ERBB2: variants seen among roughly 807,000 people sequenced by gnomAD.
ERBB2 encodes erb-b2 receptor tyrosine kinase 2.
In ERBB2, 61 loss-of-function variants were observed where a neutral mutation model predicts 149.0. The observed-to-expected ratio is 0.41, with a 90% CI of 0.33 to 0.51. The LOEUF is 0.51. Ranked by LOEUF, ERBB2 falls within the 20% of genes least tolerant of loss-of-function variation. The pLI is 0.25. For missense variants in ERBB2, 1,205 were observed against 1,655.1 expected, an observed-to-expected ratio of 0.73 and a Z score of 4.72; for synonymous variants, 633 against 678.8, an observed-to-expected ratio of 0.93 and a Z score of 1.05.
rs1269269106 is a variant in ERBB2 at position 39,726,245 on chromosome 17, A to C, written c.2873-317A>C. ...GCTACTCAGGAGAGGCTGAGGCAGG[A>C]AGATCACTTGAGCCTAGTTTAAGGT... On this transcript the variant is annotated intron_variant, in intron 23 of 26. Coordinates refer to ENST00000269571, the MANE Select transcript of ERBB2 (RefSeq NM_004448.4). The surrounding 1 kb of genome is among the most constrained non-coding windows in gnomAD (Gnocchi z 5.1). 1.2e-5 allele frequency: 5 copies of C among 429,756 alleles called. No individual in the cohort carries two copies. The Admixed American group carries it at 1.9e-4, about 16-fold the overall frequency. The allele number at this position is 429,756 out of a possible 1,614,324, so 26.6% of individuals were successfully genotyped here. A position where few individuals can be genotyped will look rare whatever the true frequency, so the allele number is the denominator to read the frequency against.
intron 9 of ERBB2, 122 bp downstream of exon 9, chr17:39,712,570 A>G: frequency 8.2e-7 from 1 of 1,224,308 alleles, no homozygotes; most frequent in Non-Finnish European, 1.1e-6. Context: ...AATGCAAAGA[A>G]AGCAGATGGG....
chr17:39,688,662 G>T (rs2057619483), intron 1 of ERBB2: 2 of 152,354 alleles, frequency 1.3e-5, no homozygotes, highest in Non-Finnish European at 2.9e-5. Flanking sequence ...TGCCTGGCCT[G>T]GTCTGAATCA....
rs2145863443 is a variant in ERBB2 at position 39,725,084 on chromosome 17, C to T, written c.2529C>T (p.His843=). ...MSYLEDVRLV[H]RDLAARNVLV... ...ACCTGGAGGATGTGCGGCTCGTACA[C>T]AGGGACTTGGCCGCTCGGAACGTGC... Residue 843 remains histidine, a synonymous_variant, in exon 21 of 27, where the codon CAC becomes CAT. Transcript: ENST00000269571. This position sits in a 1 kb window ranked among gnomAD's most constrained non-coding sequence, Gnocchi z 4.6. 1 of 1,614,172 alleles carries T rather than the reference C, an allele frequency of 6.2e-7. No individual in the cohort carries two copies. Among genetic ancestry groups the T allele is most frequent in the South Asian group, 1.1e-5 (1 of 91,082 alleles).
chr17:39,706,729 G>T (rs2058463128), intron 1 of ERBB2: 2 of 347,786 alleles, frequency 5.8e-6, no homozygotes. Context: ...CCCCAGGGCT[G>T]GCACGCTGGG....
rs2059092424 is a variant in ERBB2 at position 39,715,865 on chromosome 17, T to C, written c.1439T>C (p.Val480Ala). 1 of 1,612,668 alleles carries C rather than the reference T, an allele frequency of 6.2e-7. No homozygotes were observed. The highest frequency in any genetic ancestry group is 1.7e-5 in the Admixed American group (1 of 60,008). ...ACCCACCTCTGCTTCGTGCACACGGTGCCCTGGGACCAGCTCTTTCGGAAC... is the reference window on the plus strand; with the variant it reads ...ACCCACCTCTGCTTCGTGCACACGGCGCCCTGGGACCAGCTCTTTCGGAAC... The part of the protein sequence containing the change: ...HNTHLCFVHT[V>A]PWDQLFRNPH... Residue 480 changes from valine (V) to alanine (A), a missense_variant, in exon 12 of 27, where the codon GTG (valine) becomes GCG (alanine). Val to Ala is a moderately conservative substitution (Grantham distance 64, BLOSUM62 0). Transcript: ENST00000269571.
rs775190312 is a variant in ERBB2, at chr17:39,724,754, C to T, written c.2336C>T (p.Ser779Phe). Residue 779 changes from serine to phenylalanine, a missense_variant, in exon 20 of 27, where the codon TCC (serine) becomes TTC (phenylalanine). Transcript: ENST00000269571. ...DEAYVMAGVG[S>F]PYVSRLLGIC... ...GCATACGTGATGGCTGGTGTGGGCTCCCCATATGTCTCCCGCCTTCTGGGC... is the reference window on the plus strand; with the variant it reads ...GCATACGTGATGGCTGGTGTGGGCTTCCCATATGTCTCCCGCCTTCTGGGC... The T allele has an allele frequency of 1.8e-5, 29 of 1,614,166 alleles. No individual in the cohort carries two copies. The highest frequency in any genetic ancestry group is 2.5e-5 in the Non-Finnish European group (29 of 1,180,030).
Position 39,716,245 on chromosome 17 carries a change from C to T in ERBB2, c.1514-56C>T, listed in dbSNP as rs191888667. 8.0e-6 allele frequency: 12 copies of T among 1,509,214 alleles called. No individual in the cohort carries two copies. The African/African-American group carries it at 1.6e-4, about 20-fold the overall frequency. The allele number at this position is 1,509,214 out of a possible 1,614,324, so 93.5% of individuals were successfully genotyped here. On this transcript the variant is annotated intron_variant, in intron 12 of 26. Coordinates refer to ENST00000269571, the MANE Select transcript of ERBB2 (RefSeq NM_004448.4). ...TGCCCACAGCCAGTTCCCTGGTTCA[C>T]TTGGACCTGGGGCCTCCCCTAAAAG...
intron 1 of ERBB2, among the ~76,000 whole-genome samples, chr17:39,704,873 C>T (rs1309838194): frequency 2.6e-5 from 4 of 152,146 alleles, no homozygotes; most frequent in African/African-American, 7.2e-5. Context: ...CCACCCTGCC[C>T]TCCGTAGAGC....
At chr17:39,707,652 T>G (rs996656805) in intron 2 of ERBB2, 1 of 153,128 alleles carries the variant, frequency 6.5e-6, no homozygotes, top group Non-Finnish European at 1.5e-5. Context: ...GAAACCAACC[T>G]GCTGGATCGT....
chr17:39,717,035 A>G, intron 14 of ERBB2: 2 of 460,480 alleles, frequency 4.3e-6, no homozygotes, highest in Non-Finnish European at 3.9e-6. Context: ...TCTACAGAGC[A>G]GTGACTGTTG....
At chr17:39,697,351 T>A (rs1047093008), upstream of ERBB2, among the ~76,000 whole-genome samples, 3 of 148,036 alleles carry the variant, frequency 2.0e-5, no homozygotes, top group Non-Finnish European at 4.4e-5. Context: ...GTTTTTTTGT[T>A]TTGTTTTTTT....
At position 39,728,011 on chromosome 17, in the gene ERBB2, C is replaced by G. The variant is rs2143320483; in HGVS notation, c.3735C>G (p.Asn1245Lys). The G allele has an allele frequency of 6.2e-7, 1 of 1,607,916 alleles. No homozygotes were observed. Among genetic ancestry groups the G allele is most frequent in the South Asian group, 1.1e-5 (1 of 90,970 alleles). The change falls in exon 27 of 27, where the codon AAC becomes AAG. Residue 1245 changes from asparagine to lysine, a missense_variant. Physicochemically the swap from Asn to Lys is moderately conservative, Grantham distance 94. Transcript: ENST00000269571. ...TCAAAGGGACACCTACGGCAGAGAA[C>G]CCAGAGTACCTGGGTCTGGACGTGC... ...STFKGTPTAE[N>K]PEYLGLDVPV
chr17:39,716,502 T>C lies in ERBB2; in HGVS notation c.1647-13T>C. On this transcript the variant is annotated splice_polypyrimidine_tract_variant and intron_variant, in intron 13 of 26. Coordinates refer to ENST00000269571, the MANE Select transcript of ERBB2 (RefSeq NM_004448.4). ...CTCCTCTCAGACCCCCTCACCACTGTCCCTTCTCTCAGGCTCCCCAGGGAG... is the reference window on the plus strand; with the variant it reads ...CTCCTCTCAGACCCCCTCACCACTGCCCCTTCTCTCAGGCTCCCCAGGGAG... 3.1e-6 allele frequency: 5 copies of C among 1,614,064 alleles called. No individual in the cohort carries two copies. The highest frequency in any genetic ancestry group is 4.2e-6 in the Non-Finnish European group (5 of 1,179,966).
Position 39,723,696 on chromosome 17 carries a change from G to A in ERBB2, c.2208+36G>A, listed in dbSNP as rs1356892143. ...GGTCCTGGGGTGGGCGGCCCCAGAG[G>A]ATGGGGGCGGTGCCTGGAGGGGTGT... On this transcript the variant is annotated intron_variant, in intron 18 of 26. Transcript: ENST00000269571. This position sits in a 1 kb window ranked among gnomAD's most constrained non-coding sequence, Gnocchi z 6.2. The A allele has an allele frequency of 1.9e-6, 3 of 1,584,436 alleles. No homozygotes were observed. The highest frequency in any genetic ancestry group is 1.8e-5 in the Admixed American group (1 of 55,056).
chr17:39,709,172 G>C, intron 3 of ERBB2, 146 bp from the exon 4 acceptor site: 1 of 898,532 alleles, frequency 1.1e-6, no homozygotes, highest in Non-Finnish European at 1.7e-6. Flanking sequence ...GGGACTCAAA[G>C]ACGGTAAAGA....
At position 39,716,725 on chromosome 17, in the gene ERBB2, G is replaced by A. The variant is rs188554538; in HGVS notation, c.1737+120G>A. ...ATCTGGTAAAATATCCCTGGAGAGG[G>A]CTCAGCGCTCAGACCTGAACAGCAA... On this transcript the variant is annotated intron_variant, in intron 14 of 26. Transcript: ENST00000269571. 1.3e-5 allele frequency: 11 copies of A among 872,940 alleles called. No individual in the cohort carries two copies. The Admixed American group carries it at 1.4e-4, about 11-fold the overall frequency. 54.1% of individuals were successfully genotyped at this position (872,940 alleles called of 1,614,324 possible).
chr17:39,720,938 G>A (rs1429385215), intron 16 of ERBB2, among the ~76,000 whole-genome samples: 1 of 152,000 alleles, frequency 6.6e-6, no homozygotes, highest in Non-Finnish European at 1.5e-5. Context: ...ATGAGCCACC[G>A]TGCCCAGCCA....
upstream of ERBB2, among the ~76,000 whole-genome samples, chr17:39,696,029 C>T (rs1332434985): frequency 6.6e-6 from 1 of 152,098 alleles, no homozygotes; most frequent in East Asian, 1.9e-4. Context: ...CTAGCTAGAC[C>T]CCTCTCACCA....
intron 9 of ERBB2, among the ~76,000 whole-genome samples, chr17:39,713,726 C>G (rs903068261): frequency 6.8e-6 from 1 of 148,014 alleles, no homozygotes; most frequent in Non-Finnish European, 1.5e-5. Flanking sequence ...GCACTCCAGC[C>G]TGGGCGACAG....
Sources: allele counts gnomAD v4.1 joint callset (sites outside exome capture counted in the v4.1 genomes callset), GRCh38; gene constraint gnomAD v4.1.1; non-coding constraint Gnocchi (gnomAD v3.1); transcripts MANE v1.5; gene names NCBI Gene and HGNC (gene_info 2026-07-23, HGNC 2026-07-21).